PRKG1: variants seen among roughly 807,000 people sequenced by gnomAD.
The protein encoded by PRKG1 is cGMP-dependent protein kinase 1.
PRKG1 carries 35 observed loss-of-function variants against 88.1 expected under a neutral mutation model. The observed-to-expected ratio is 0.40, with a 90% CI of 0.30 to 0.53. The LOEUF (loss-of-function observed/expected upper bound fraction) is 0.53, where lower values mean the gene tolerates loss of function less well. Ranked by LOEUF, PRKG1 falls within the 20% of genes least tolerant of loss-of-function variation. The pLI is 0.59. For missense variants in PRKG1, 540 were observed against 839.8 expected, an observed-to-expected ratio of 0.64 and a Z score of 4.41; for synonymous variants, 303 against 292.5, an observed-to-expected ratio of 1.04 and a Z score of -0.37.
intron 3 of PRKG1, among the ~76,000 whole-genome samples, chr10:51,503,848 T>TA (rs1342305639): frequency 6.6e-6 from 1 of 152,156 alleles, no homozygotes; most frequent in Non-Finnish European, 1.5e-5. Context: ...GTGTTGATGG[T>TA]AAAATAGTAG....
At chr10:51,253,113 C>A (rs1005990263) in intron 2 of PRKG1, among the ~76,000 whole-genome samples, 43 of 151,744 alleles carry the variant, frequency 2.8e-4, no homozygotes, top group African/African-American at 8.7e-4. Flanking sequence ...CTACAGTTGT[C>A]AATATTAGTA....
At chr10:51,428,169 T>C (rs1337110602) in intron 2 of PRKG1, among the ~76,000 whole-genome samples, 3 of 152,214 alleles carry the variant, frequency 2.0e-5, no homozygotes, top group Non-Finnish European at 4.4e-5. Flanking sequence ...CTTTCTGTTT[T>C]CCATGCATCC....
At chr10:52,251,307 C>G (rs1222794179) in intron 9 of PRKG1, among the ~76,000 whole-genome samples, 1 of 152,134 alleles carries the variant, frequency 6.6e-6, no homozygotes, top group Non-Finnish European at 1.5e-5. Context: ...GATTTGATAA[C>G]TGGATTTATC....
rs1295179060 is a variant in PRKG1 at position 52,297,455 on chromosome 10, T to A, written c.*3555T>A. On this transcript the variant is annotated 3_prime_UTR_variant, in exon 18 of 18. Coordinates refer to ENST00000373980, the MANE Select transcript of PRKG1 (RefSeq NM_006258.4). Reference sequence around the variant, plus strand: ...AAAATGTTGTCCTTTCTTAGCTTGCTGCGTTTTACAGTTCTTTCTGCTAAC... The same window carrying A: ...AAAATGTTGTCCTTTCTTAGCTTGCAGCGTTTTACAGTTCTTTCTGCTAAC... 6.6e-6 allele frequency: 1 copy of A among 152,174 alleles called. No homozygotes were observed. The highest frequency in any genetic ancestry group is 2.4e-5 in the African/African-American group (1 of 41,458). 9.4% of individuals were successfully genotyped at this position (152,174 alleles called of 1,614,324 possible). A position where few individuals can be genotyped will look rare whatever the true frequency, so the allele number is the denominator to read the frequency against.
intron 3 of PRKG1, among the ~76,000 whole-genome samples, chr10:51,581,395 G>T (rs1051844891): frequency 1.3e-5 from 2 of 152,110 alleles, no homozygotes; most frequent in Non-Finnish European, 2.9e-5. Context: ...TCAGAAGGGA[G>T]TATGCCCTAA....
chr10:51,898,671 C>A (rs1471707308), intron 4 of PRKG1, among the ~76,000 whole-genome samples: 1 of 151,942 alleles, frequency 6.6e-6, no homozygotes, highest in Non-Finnish European at 1.5e-5. Context: ...CCTGCCTCTT[C>A]AAAAAACTGG....
intron 2 of PRKG1, among the ~76,000 whole-genome samples, chr10:51,415,133 G>T (rs1838202080): frequency 6.6e-6 from 1 of 152,184 alleles, no homozygotes; most frequent in Non-Finnish European, 1.5e-5. Flanking sequence ...AGTAGTTCAG[G>T]CAGTCTGATC....
chr10:51,825,713 C>T (rs1354192026), intron 4 of PRKG1, among the ~76,000 whole-genome samples: 1 of 152,098 alleles, frequency 6.6e-6, no homozygotes, highest in Non-Finnish European at 1.5e-5. Flanking sequence ...TGACAGAAAG[C>T]TATTAAAGGT....
intron 1 of PRKG1, among the ~76,000 whole-genome samples, chr10:51,126,219 A>ATATAAT (rs1845406658): frequency 8.3e-6 from 1 of 120,732 alleles, no homozygotes; most frequent in African/African-American, 3.4e-5. Flanking sequence ...AATTATTTAT[A>ATATAAT]TATTTATATA....
intron 4 of PRKG1, among the ~76,000 whole-genome samples, chr10:51,863,946 A>T (rs1840951274): frequency 6.6e-6 from 1 of 152,198 alleles, no homozygotes; most frequent in African/African-American, 2.4e-5. Context: ...CTGGCACACA[A>T]GGAGGAGACT....
intron 2 of PRKG1, among the ~76,000 whole-genome samples, chr10:51,411,269 G>C (rs1325749298): frequency 1.3e-5 from 2 of 152,138 alleles, no homozygotes; most frequent in African/African-American, 2.4e-5. Context: ...CCAAAGTGCT[G>C]GGATTACAGG....
chr10:51,725,970 A>T (rs1361818022), intron 3 of PRKG1, among the ~76,000 whole-genome samples: 1 of 152,206 alleles, frequency 6.6e-6, no homozygotes, highest in Non-Finnish European at 1.5e-5. Context: ...CACCACTAGA[A>T]CATGAATGTA....
intron 1 of PRKG1, among the ~76,000 whole-genome samples, chr10:51,034,367 GAGAC>G (rs2132749825): frequency 6.6e-6 from 1 of 152,050 alleles, no homozygotes; most frequent in East Asian, 1.9e-4. Context: ...ATTAATCTGT[GAGAC>G]AGACAGAATA....
At chr10:51,390,454 A>T (rs538948547) in intron 2 of PRKG1, among the ~76,000 whole-genome samples, 31 of 152,232 alleles carry the variant, frequency 2.0e-4, no homozygotes, top group Non-Finnish European at 4.1e-4. Flanking sequence ...TAAAATTATC[A>T]TTAAGCAATA....
rs141086270 is a variant in PRKG1, at chr10:52,190,599, G to A, written c.1076+28636G>A. On this transcript the variant is annotated intron_variant, in intron 9 of 17. Coordinates refer to ENST00000373980, the MANE Select transcript of PRKG1 (RefSeq NM_006258.4). The stretch of plus-strand genomic sequence containing the variant: ...GATTCAGAAATTGAGGCCTATGGAG[G>A]TTTAAGTCTATGTCACACAACTTGT... Among the ~76,000 whole-genome samples the A allele has an allele frequency of 7.1e-3, 1,076 of 152,204 alleles. 11 individuals are homozygous for A. Among genetic ancestry groups the A allele is most frequent in the African/African-American group, 0.024 (1,003 of 41,540 alleles).
chr10:52,277,656 C>T (rs1283091615), intron 12 of PRKG1, among the ~76,000 whole-genome samples: 1 of 152,020 alleles, frequency 6.6e-6, no homozygotes, highest in East Asian at 1.9e-4. Context: ...GGAGTTGAGC[C>T]CAGGATTCTT....
At chr10:51,874,776 C>G (rs1841251800) in intron 4 of PRKG1, among the ~76,000 whole-genome samples, 1 of 152,156 alleles carries the variant, frequency 6.6e-6, no homozygotes. Flanking sequence ...ACTTCTATCA[C>G]TTACCAGCTG....
At chr10:51,325,318 T>C (rs894885002) in intron 2 of PRKG1, among the ~76,000 whole-genome samples, 3 of 152,314 alleles carry the variant, frequency 2.0e-5, no homozygotes, top group African/African-American at 7.2e-5. Context: ...TGGAGTACAA[T>C]GGTGTGATCT....
At chr10:51,108,621 C>T (rs1280261848) in intron 1 of PRKG1, among the ~76,000 whole-genome samples, 2 of 152,126 alleles carry the variant, frequency 1.3e-5, no homozygotes, top group African/African-American at 4.8e-5. Context: ...GAAGGGAACA[C>T]TCTTAACTTC....
Sources: allele counts gnomAD v4.1 joint callset (sites outside exome capture counted in the v4.1 genomes callset), GRCh38; gene constraint gnomAD v4.1.1; transcripts MANE v1.5; gene names NCBI Gene and HGNC (gene_info 2026-07-23, HGNC 2026-07-21).